ODF2L: variants seen among roughly 807,000 people sequenced by gnomAD.
ODF2L encodes protein BCAP.
ODF2L carries 76 observed loss-of-function variants against 86.3 expected under a neutral mutation model. The observed-to-expected ratio is 0.88, with a 90% CI of 0.73 to 1.07. ODF2L has a LOEUF of 1.07. Ranked by LOEUF, ODF2L falls within the 50% of genes least tolerant of loss-of-function variation. ODF2L has a pLI of 0.00. For missense variants in ODF2L, 748 were observed against 717.4 expected (o/e 1.04, Z -0.49); for synonymous variants, 241 against 231.3 (o/e 1.04, Z -0.38).
At chr1:86,357,797 AC>A (rs1658699966) in intron 13 of ODF2L, 2 of 983,132 alleles carry the variant, frequency 2.0e-6, no homozygotes, top group East Asian at 1.1e-4. Context: ...AAACATTGTG[AC>A]CTCACAGTAT....
intron 15 of ODF2L, 26 bp downstream of exon 14, chr1:86,354,748 G>T: frequency 6.5e-7 from 1 of 1,532,400 alleles, no homozygotes; most frequent in African/African-American, 1.4e-5. Flanking sequence ...ATATGCAGCA[G>T]CAATGTTAAG....
chr1:86,376,162 A>G (rs1660156119), intron 8 of ODF2L, 71 bp downstream of exon 8: 1 of 777,686 alleles, frequency 1.3e-6, no homozygotes, highest in East Asian at 2.7e-5. Flanking sequence ...TATATTAAGC[A>G]TCATGATATT....
intron 11 of ODF2L, among the ~76,000 whole-genome samples, chr1:86,362,480 G>A (rs1001169067): frequency 4.0e-5 from 6 of 151,668 alleles, no homozygotes; most frequent in Non-Finnish European, 5.9e-5. Context: ...TTGTAGACAC[G>A]AGGTCTCAGT....
intron 1 of ODF2L, among the ~76,000 whole-genome samples, chr1:86,388,785 T>C (rs896212664): frequency 6.6e-6 from 1 of 152,166 alleles, no homozygotes; most frequent in African/African-American, 2.4e-5. Context: ...TCATAAAATT[T>C]TTCTGCTTCA....
Position 86,354,513 on chromosome 1 carries a change from A to G in ODF2L, c.1767+17T>C. On this transcript the variant is annotated intron_variant, in intron 16 of 17. Coordinates refer to ENST00000317336, the Ensembl canonical transcript of ODF2L. ...GGTAAATGAATTAAAAAGTTTCTAA[A>G]TAAAGGCCATGCATACCTTTTGTCT... 6.5e-7 allele frequency: 1 copy of G among 1,530,792 alleles called. No homozygotes were observed. Among genetic ancestry groups the G allele is most frequent in the Non-Finnish European group, 8.9e-7 (1 of 1,125,272 alleles). The allele number at this position is 1,530,792 out of a possible 1,614,324, so 94.8% of individuals were successfully genotyped here. A position where few individuals can be genotyped will look rare whatever the true frequency, so the allele number is the denominator to read the frequency against.
chr1:86,348,741 T>C (rs1657926857), downstream of ODF2L: 1 of 1,465,700 alleles, frequency 6.8e-7, no homozygotes, highest in Non-Finnish European at 9.0e-7. Flanking sequence ...AGAAAATAAA[T>C]TTGACAATTT....
At chr1:86,357,337 A>G (rs928943794) in intron 13 of ODF2L, among the ~76,000 whole-genome samples, 5 of 152,182 alleles carry the variant, frequency 3.3e-5, no homozygotes, top group South Asian at 4.2e-4. Context: ...TTGATCAGGA[A>G]AGATAATGCA....
At chr1:86,370,952 T>C in intron 10 of ODF2L, 66 bp downstream of exon 10, 3 of 1,019,908 alleles carry the variant, frequency 2.9e-6, no homozygotes, top group Non-Finnish European at 4.1e-6. Flanking sequence ...TTCTTCAAGC[T>C]ATTTCTACTA....
intron 1 of ODF2L, among the ~76,000 whole-genome samples, chr1:86,391,462 T>C (rs1250728725): frequency 6.6e-6 from 1 of 152,190 alleles, no homozygotes; most frequent in Admixed American, 6.5e-5. Flanking sequence ...AGCATGGTAC[T>C]GGTATAAAAA....
At chr1:86,393,818 G>A (rs191798992) in intron 1 of ODF2L, among the ~76,000 whole-genome samples, 96 of 152,254 alleles carry the variant, frequency 6.3e-4, no homozygotes, top group Admixed American at 2.0e-3. Context: ...ATCACTCTCT[G>A]CCCTAAAAAA....
At chr1:86,392,073 AC>A (rs1309737863) in intron 1 of ODF2L, among the ~76,000 whole-genome samples, 1 of 152,244 alleles carries the variant, frequency 6.6e-6, no homozygotes, top group African/African-American at 2.4e-5. Flanking sequence ...CAAATGGCCA[AC>A]AAACATGAAA....
intron 1 of ODF2L, among the ~76,000 whole-genome samples, chr1:86,393,721 T>C (rs1661498063): frequency 6.6e-6 from 1 of 152,220 alleles, no homozygotes; most frequent in African/African-American, 2.4e-5. Flanking sequence ...TTCAGAATCA[T>C]ATAGTTTAGA....
chr1:86,356,807 G>A (rs1226024621), intron 13 of ODF2L, among the ~76,000 whole-genome samples: 1 of 152,122 alleles, frequency 6.6e-6, no homozygotes, highest in African/African-American at 2.4e-5. Flanking sequence ...CAAAAAGTTT[G>A]TTGAGCACAT....
chr1:86,361,093 TAAAA>T (rs1175881813), intron 11 of ODF2L, among the ~76,000 whole-genome samples: 1 of 152,144 alleles, frequency 6.6e-6, no homozygotes, highest in Non-Finnish European at 1.5e-5. Context: ...AGCATAAAAT[TAAAA>T]GAAGATATGT....
chr1:86,384,687 CTCTCTT>C, exon 4 of ODF2L: 1 of 1,479,722 alleles, frequency 6.8e-7, no homozygotes, highest in South Asian at 1.4e-5. Flanking sequence ...TGTTTGTAGT[CTCTCTT>C]TCTAAGAAGA....
downstream of ODF2L, chr1:86,348,247 CAT>C (rs1657905286): frequency 6.6e-6 from 1 of 151,952 alleles, no homozygotes; most frequent in East Asian, 1.9e-4. Context: ...GGCAACTCAG[CAT>C]ATACTTGAAA....
intron 7 of ODF2L, among the ~76,000 whole-genome samples, chr1:86,381,399 T>C (rs971969877): frequency 7.9e-5 from 12 of 151,898 alleles, no homozygotes; most frequent in African/African-American, 2.9e-4. Flanking sequence ...AAATTTATTA[T>C]CCCCCATAAA....
At chr1:86,391,612 T>C (rs2101570954) in intron 1 of ODF2L, among the ~76,000 whole-genome samples, 2 of 152,318 alleles carry the variant, frequency 1.3e-5, no homozygotes, top group Middle Eastern at 6.8e-3. Flanking sequence ...CTGGGATAAT[T>C]GGCAAGCCGC....
rs76512404 is a variant in ODF2L, at chr1:86,395,395, T to A, written c.-60+638A>T. On this transcript the variant is annotated intron_variant, in intron 1 of 17. Coordinates refer to ENST00000317336, the Ensembl canonical transcript of ODF2L. ...ATCTCGTATTACAACCACCCCAAAG[T>A]GATGATTACTGTTACAGTTATCAGT... 0.011 allele frequency among the ~76,000 whole-genome samples: 1,687 copies of A among 152,120 alleles called. 70 individuals are homozygous for A. In the East Asian group the frequency reaches 0.12, roughly 10 times the overall value.
Sources: gnomAD v4.1 joint callset for allele counts (sites outside exome capture counted in the v4.1 genomes callset) on GRCh38, gnomAD v4.1.1 for gene constraint, MANE v1.5 for transcripts, NCBI Gene and HGNC (gene_info 2026-07-23, HGNC 2026-07-21) for gene names.